Variants in ZNF460 observed in about 807,000 individuals in gnomAD.
ZNF460 encodes the protein zinc finger protein 272.
ZNF460 carries 1 observed loss-of-function variant against 8.4 expected under a neutral mutation model. The observed-to-expected ratio is 0.12, with a 90% CI of 0.04 to 0.56. ZNF460 has a LOEUF of 0.56. Ranked by LOEUF, ZNF460 falls within the 20% of genes least tolerant of loss-of-function variation. ZNF460 has a pLI of 0.91. For synonymous variants in ZNF460, 262 were observed against 259.9 expected (o/e 1.01, Z -0.08); for missense variants, 477 against 714.8 (o/e 0.67, Z 3.79).
Position 57,292,245 on chromosome 19 carries a change from CTT to C in ZNF460, c.*19_*20del, listed in dbSNP as rs1237380583. The C allele has an allele frequency of 1.3e-6, 2 of 1,595,854 alleles. No homozygotes were observed. The highest frequency in any genetic ancestry group is 3.4e-5 in the Admixed American group (2 of 58,434). ...TACCATTGTAACAGATGTGGAAAGA[CTT>C]TTTACGTACACTTCAGTCAACATCC... On this transcript the variant is annotated 3_prime_UTR_variant, in exon 3 of 3. Coordinates refer to ENST00000360338, the MANE Select transcript of ZNF460 (RefSeq NM_006635.4).
In ZNF460 at chr19:57,285,677, T is replaced by C. The variant is rs1263690436; in HGVS notation, c.157+1000T>C. 2.0e-5 allele frequency among the ~76,000 whole-genome samples: 3 copies of C among 152,354 alleles called. No homozygotes were observed. The East Asian group carries it at 5.8e-4, about 29-fold the overall frequency. ...ATTTTGATGTTTGTGCAAACGTCTATATGTGGCCAAATCGCTATTTGGAGT... is the reference window on the plus strand; with the variant it reads ...ATTTTGATGTTTGTGCAAACGTCTACATGTGGCCAAATCGCTATTTGGAGT... On this transcript the variant is annotated intron_variant, in intron 2 of 2. Transcript: ENST00000360338.
chr19:57,284,686 T>C lies in ZNF460; in HGVS notation c.157+9T>C. On this transcript the variant is annotated intron_variant, in intron 2 of 2. Coordinates refer to ENST00000360338, the MANE Select transcript of ZNF460 (RefSeq NM_006635.4). The stretch of plus-strand genomic sequence containing the variant: ...GCTTCTGGTCGCACTGGGTAAGGCC[T>C]GTCCTCTCCTCTCCAAAATCAGGGG... 1.3e-6 allele frequency: 2 copies of C among 1,578,616 alleles called. No homozygotes were observed. Among genetic ancestry groups the C allele is most frequent in the Non-Finnish European group, 1.7e-6 (2 of 1,164,412 alleles).
intron 1 of ZNF460, among the ~76,000 whole-genome samples, chr19:57,283,233 G>A (rs4801209): frequency 0.13 from 19,315 of 151,222 alleles, 1,622 homozygotes; most frequent in Non-Finnish European, 0.17. Context: ...TCAGTGGTGC[G>A]ATCTCGGCTC....
chr19:57,287,101 A>G (rs549817701), intron 2 of ZNF460, among the ~76,000 whole-genome samples: 5 of 152,116 alleles, frequency 3.3e-5, no homozygotes, highest in South Asian at 2.1e-4. Context: ...CTTTGATTCT[A>G]TTAGCTCATA....
chr19:57,280,529 C>T lies in ZNF460; in HGVS notation c.-278C>T. The stretch of plus-strand genomic sequence containing the variant: ...AGCGCTGGGTGGGCGCGTTCTGCGG[C>T]CTGAGCAGGGACGGGTAGTGAAGCG... On this transcript the variant is annotated 5_prime_UTR_variant, in exon 1 of 3. Coordinates refer to ENST00000360338, the MANE Select transcript of ZNF460 (RefSeq NM_006635.4). The T allele has an allele frequency of 1.9e-6, 1 of 523,412 alleles. No homozygotes were observed. The highest frequency in any genetic ancestry group is 2.2e-5 in the South Asian group (1 of 44,894). The allele number at this position is 523,412 out of a possible 1,614,324, so 32.4% of individuals were successfully genotyped here.
rs2087925149 is a variant in ZNF460 at position 57,292,375 on chromosome 19, TC to T, written c.*147del. 1 of 813,168 alleles carries T rather than the reference TC, an allele frequency of 1.2e-6. No individual in the cohort carries two copies. The highest frequency in any genetic ancestry group is 1.9e-6 in the Non-Finnish European group (1 of 514,868). The allele number at this position is 813,168 out of a possible 1,614,324, so 50.4% of individuals were successfully genotyped here. A position where few individuals can be genotyped will look rare whatever the true frequency, so the allele number is the denominator to read the frequency against. On this transcript the variant is annotated 3_prime_UTR_variant, in exon 3 of 3. Transcript: ENST00000360338. ...CTGGTCATTCATACTGAAGAGAAAC[TC>T]CATAAGTATCATCTCTGTGGGAAAA...
chr19:57,290,234 C>G (rs1436985346), intron 2 of ZNF460, among the ~76,000 whole-genome samples: 1 of 152,202 alleles, frequency 6.6e-6, no homozygotes, highest in African/African-American at 2.4e-5. Context: ...GGTGATCCGC[C>G]TCAGCCTCCC....
chr19:57,280,504 A>T lies in ZNF460; in HGVS notation c.-303A>T. On this transcript the variant is annotated 5_prime_UTR_variant, in exon 1 of 3. Transcript: ENST00000360338. ...GGCCCTGAAACAGTGTGGGGCCTAGAGCGCTGGGTGGGCGCGTTCTGCGGC... is the reference window on the plus strand; with the variant it reads ...GGCCCTGAAACAGTGTGGGGCCTAGTGCGCTGGGTGGGCGCGTTCTGCGGC... The T allele has an allele frequency of 2.1e-6, 1 of 477,014 alleles. No individual in the cohort carries two copies. 29.5% of individuals were successfully genotyped at this position (477,014 alleles called of 1,614,324 possible).
chr19:57,280,202 AC>A (rs2122877390), upstream of ZNF460: 1 of 152,588 alleles, frequency 6.6e-6, no homozygotes, highest in African/African-American at 2.4e-5. Context: ...GCTAGAAGGG[AC>A]CTTTCGACCC....
intron 2 of ZNF460, 60 bp downstream of exon 2, chr19:57,284,737 C>T (rs111595073): frequency 6.7e-7 from 1 of 1,503,426 alleles, no homozygotes; most frequent in African/African-American, 1.4e-5. Flanking sequence ...TCATTCTAGC[C>T]TTCATCCTGG....
At position 57,291,471 on chromosome 19, in the gene ZNF460, C is replaced by T; in HGVS notation, c.930C>T (p.Cys310=). 3.1e-6 allele frequency: 5 copies of T among 1,613,994 alleles called. No homozygotes were observed. The highest frequency in any genetic ancestry group is 4.2e-6 in the Non-Finnish European group (5 of 1,179,912). The change falls in exon 3 of 3, where the codon TGC becomes TGT. Residue 310 remains cysteine, a synonymous_variant. Coordinates refer to ENST00000360338, the MANE Select transcript of ZNF460 (RefSeq NM_006635.4). The surrounding 1 kb of genome is among the most constrained non-coding windows in gnomAD (Gnocchi z 8.4). Reference sequence around the variant, plus strand: ...ACAATGAGAAGAAACCCTTCGCATGCAGCGAATGTGGAAAAGGCTTTTATG... The same window carrying T: ...ACAATGAGAAGAAACCCTTCGCATGTAGCGAATGTGGAAAAGGCTTTTATG... ...KSHNEKKPFA[C]SECGKGFYES... is the part of the protein sequence containing the mutation.
rs1201894506 is a variant in ZNF460, at chr19:57,284,588, C to G, written c.68C>G (p.Thr23Ser). ...VTFEDVAVTF[T>S]QEEWGQLDVT... Reference sequence around the variant, plus strand: ...TTCGAGGATGTGGCTGTGACATTTACCCAGGAGGAGTGGGGGCAGTTGGAC... The same window carrying G: ...TTCGAGGATGTGGCTGTGACATTTAGCCAGGAGGAGTGGGGGCAGTTGGAC... The change falls in exon 2 of 3, where the codon ACC (threonine) becomes AGC (serine). Residue 23 changes from threonine to serine, a missense_variant. Thr to Ser is a moderately conservative substitution (Grantham distance 58). Around this residue, in one of 5 missense-constraint regions of ZNF460, gnomAD observed 10 missense variants for 39.8 expected, o/e 0.25. Transcript: ENST00000360338. The G allele has an allele frequency of 2.5e-6, 4 of 1,613,390 alleles. No homozygotes were observed. In the East Asian group the frequency reaches 8.9e-5, roughly 36 times the overall value.
chr19:57,291,466 G>A lies in ZNF460; in HGVS notation c.925G>A (p.Ala309Thr), dbSNP rs754403465. ...NKSHNEKKPF[A>T]CSECGKGFYE... ...GAGCCACAATGAGAAGAAACCCTTC[G>A]CATGCAGCGAATGTGGAAAAGGCTT... Residue 309 changes from alanine to threonine, a missense_variant, in exon 3 of 3, where the codon GCA (alanine) becomes ACA (threonine). Physicochemically the swap from Ala to Thr is moderately conservative, Grantham distance 58 (BLOSUM62 0). This residue lies in a region of ZNF460 where 193 missense variants were observed against 391.7 expected (regional missense o/e 0.49). Coordinates refer to ENST00000360338, the MANE Select transcript of ZNF460 (RefSeq NM_006635.4). The surrounding 1 kb of genome is among the most constrained non-coding windows in gnomAD (Gnocchi z 8.4). 4.3e-6 allele frequency: 7 copies of A among 1,613,806 alleles called. No homozygotes were observed. The highest frequency in any genetic ancestry group is 2.2e-5 in the East Asian group (1 of 44,890).
chr19:57,289,323 C>G (rs2087899898), intron 2 of ZNF460, among the ~76,000 whole-genome samples: 1 of 152,150 alleles, frequency 6.6e-6, no homozygotes, highest in South Asian at 2.1e-4. Context: ...TCAGCTTCGT[C>G]TCCGCCCCTT....
intron 2 of ZNF460, among the ~76,000 whole-genome samples, chr19:57,285,412 C>T (rs1366925687): frequency 6.6e-6 from 1 of 152,154 alleles, no homozygotes; most frequent in Non-Finnish European, 1.5e-5. Context: ...GTCTTGTTCT[C>T]TGAGGCTCAC....
At chr19:57,283,903 T>C (rs1177570024) in intron 1 of ZNF460, among the ~76,000 whole-genome samples, 1 of 151,908 alleles carries the variant, frequency 6.6e-6, no homozygotes, top group Non-Finnish European at 1.5e-5. Flanking sequence ...CAGGCACACG[T>C]TGATTTCAGG....
At position 57,292,070 on chromosome 19, in the gene ZNF460, G is replaced by A. The variant is rs779198121; in HGVS notation, c.1529G>A (p.Gly510Glu). The A allele has an allele frequency of 6.2e-7, 1 of 1,614,150 alleles. No individual in the cohort carries two copies. The highest frequency in any genetic ancestry group is 8.5e-7 in the Non-Finnish European group (1 of 1,180,026). The change falls in exon 3 of 3, where the codon GGG becomes GAG. Residue 510 changes from glycine to glutamate, a missense_variant. By Grantham distance (98) the Gly-to-Glu change is moderately conservative. This residue lies in a region of ZNF460 where 83 missense variants were observed against 82.3 expected (regional missense o/e 1.01). Coordinates refer to ENST00000360338, the MANE Select transcript of ZNF460 (RefSeq NM_006635.4). Reference protein sequence around the residue: ...AEKSHEPIQSGNVSCESTDLI... With the variant: ...AEKSHEPIQSENVSCESTDLI... ...AAGTCCCACGAACCCATCCAGAGTG[G>A]GAACGTTTCTTGTGAGAGCACAGAT...
intron 2 of ZNF460, among the ~76,000 whole-genome samples, chr19:57,285,588 A>T (rs545110824): frequency 6.6e-6 from 1 of 152,272 alleles, no homozygotes; most frequent in East Asian, 1.9e-4. Flanking sequence ...ATAAACCTTC[A>T]TTGTGAGATG....
At position 57,285,610 on chromosome 19, in the gene ZNF460, AT is replaced by A. The variant is rs933165843; in HGVS notation, c.157+941del. Among the ~76,000 whole-genome samples, 8 of 152,010 alleles carry A rather than the reference AT, an allele frequency of 5.3e-5. No homozygotes were observed. In the South Asian group the frequency reaches 1.5e-3, roughly 28 times the overall value. ...TTCATTGTGAGATGCTGTTCGTTGC[AT>A]TTTTTTTCTTGGTAAAGGTTCTTTC... On this transcript the variant is annotated intron_variant, in intron 2 of 2. Coordinates refer to ENST00000360338, the MANE Select transcript of ZNF460 (RefSeq NM_006635.4).
Sources: allele counts gnomAD v4.1 joint callset (sites outside exome capture counted in the v4.1 genomes callset), GRCh38; gene constraint gnomAD v4.1.1; regional missense constraint gnomAD v4.1.1; non-coding constraint Gnocchi (gnomAD v3.1); transcripts MANE v1.5; gene names NCBI Gene and HGNC (gene_info 2026-07-23, HGNC 2026-07-21).